Variants in SPECC1L observed in about 807,000 individuals in gnomAD.
The protein encoded by SPECC1L is cytospin-A.
In SPECC1L, 40 loss-of-function variants were observed where a neutral mutation model predicts 116.8. That is an observed-to-expected ratio of 0.34 (90% CI 0.27 to 0.45). The LOEUF (loss-of-function observed/expected upper bound fraction) is 0.45. SPECC1L is among the 20% of genes least tolerant of loss of function. The pLI is 1.00. For synonymous variants in SPECC1L, 504 were observed against 500.6 expected (o/e 1.01, Z -0.09); for missense variants, 1,110 against 1,373.6 (o/e 0.81, Z 3.03).
At chr22:24,318,170 T>G (rs1054230515) in intron 4 of SPECC1L, among the ~76,000 whole-genome samples, 2 of 152,138 alleles carry the variant, frequency 1.3e-5, no homozygotes, top group Non-Finnish European at 2.9e-5. Context: ...CAAGGCAGGC[T>G]GCTGGGAGGT....
intron 11 of SPECC1L, among the ~76,000 whole-genome samples, chr22:24,359,777 A>G (rs973456758): frequency 6.6e-6 from 1 of 152,060 alleles, no homozygotes; most frequent in Non-Finnish European, 1.5e-5. Context: ...TTTTCTTCTA[A>G]GCTCTCCTTT....
chr22:24,362,183 G>A (rs2041659281), intron 11 of SPECC1L, among the ~76,000 whole-genome samples: 1 of 152,202 alleles, frequency 6.6e-6, no homozygotes, highest in Non-Finnish European at 1.5e-5. Flanking sequence ...TTGTCGGGCT[G>A]TAGCCCTAGG....
chr22:24,344,292 G>C (rs76800621), intron 10 of SPECC1L, among the ~76,000 whole-genome samples: 3,766 of 151,290 alleles, frequency 0.025, 70 homozygotes, highest in African/African-American at 0.051. Context: ...ATGTATCCCA[G>C]GGGTGCAAGG....
chr22:24,413,176 G>A (rs2042734104), intron 16 of SPECC1L, among the ~76,000 whole-genome samples: 2 of 152,196 alleles, frequency 1.3e-5, no homozygotes, highest in Admixed American at 6.5e-5. Flanking sequence ...GACCGGGGAG[G>A]CTCCTGCACT....
chr22:24,286,992 T>C (rs1402576698), intron 2 of SPECC1L, among the ~76,000 whole-genome samples: 1 of 152,204 alleles, frequency 6.6e-6, no homozygotes, highest in Non-Finnish European at 1.5e-5. Context: ...CCCTAAATGT[T>C]GTCTGGATAA....
chr22:24,398,711 T>C (rs2042413016), intron 14 of SPECC1L, among the ~76,000 whole-genome samples: 1 of 152,210 alleles, frequency 6.6e-6, no homozygotes, highest in Non-Finnish European at 1.5e-5. Context: ...ACATTTGTCC[T>C]GAGGGTAAAT....
intron 11 of SPECC1L, among the ~76,000 whole-genome samples, chr22:24,362,443 A>G (rs1009329940): frequency 1.3e-5 from 2 of 152,180 alleles, no homozygotes; most frequent in Admixed American, 6.5e-5. Context: ...TGAGGCTGAA[A>G]ATGGAGATGG....
chr22:24,351,424 A>G (rs536102510), intron 11 of SPECC1L, among the ~76,000 whole-genome samples: 1 of 152,318 alleles, frequency 6.6e-6, no homozygotes, highest in East Asian at 1.9e-4. Flanking sequence ...TAAATGCATT[A>G]AGATTCTATT....
intron 14 of SPECC1L, among the ~76,000 whole-genome samples, chr22:24,406,765 C>A (rs1246623075): frequency 6.6e-6 from 1 of 152,222 alleles, no homozygotes; most frequent in African/African-American, 2.4e-5. Context: ...GCCGTGGTGG[C>A]CGTGTGGAGG....
At chr22:24,357,715 G>T (rs1244261473) in intron 11 of SPECC1L, among the ~76,000 whole-genome samples, 1 of 152,168 alleles carries the variant, frequency 6.6e-6, no homozygotes, top group Admixed American at 6.5e-5. Flanking sequence ...TACCCTCAGG[G>T]CAGAACAGGC....
intron 8 of SPECC1L, among the ~76,000 whole-genome samples, chr22:24,331,921 T>C (rs1200457473): frequency 6.6e-6 from 1 of 152,348 alleles, no homozygotes; most frequent in South Asian, 2.1e-4. Context: ...GTACACTCTT[T>C]AGCATTTTGT....
chr22:24,314,296 G>A lies in SPECC1L; in HGVS notation c.307+830G>A, dbSNP rs192523322. Reference sequence around the variant, plus strand: ...GATCTCCTGACCTCGTGATCTGCCCGCCTCGGCCTCCCAAAGTGCTGGTAT... The same window carrying A: ...GATCTCCTGACCTCGTGATCTGCCCACCTCGGCCTCCCAAAGTGCTGGTAT... On this transcript the variant is annotated intron_variant, in intron 4 of 16. Coordinates refer to ENST00000314328, the MANE Select transcript of SPECC1L (RefSeq NM_015330.6). Among the ~76,000 whole-genome samples, 669 of 152,192 alleles carry A rather than the reference G, an allele frequency of 4.4e-3. 7 individuals are homozygous for A. Among genetic ancestry groups the A allele is most frequent in the African/African-American group, 0.014 (577 of 41,508 alleles).
At chr22:24,414,473 C>G (rs2042764551) in intron 16 of SPECC1L, 61 bp from the exon 17 acceptor site, 1 of 1,383,688 alleles carries the variant, frequency 7.2e-7, no homozygotes, top group Admixed American at 1.7e-5. Flanking sequence ...TATGGCAGAG[C>G]CCATTGGCAC....
intron 2 of SPECC1L, among the ~76,000 whole-genome samples, chr22:24,291,334 C>T (rs941085921): frequency 6.6e-6 from 1 of 152,166 alleles, no homozygotes; most frequent in African/African-American, 2.4e-5. Flanking sequence ...GTGTGGGTGA[C>T]TTGCACAAGG....
intron 10 of SPECC1L, among the ~76,000 whole-genome samples, chr22:24,345,429 CTA>C (rs2041271805): frequency 6.6e-6 from 1 of 151,986 alleles, no homozygotes; most frequent in South Asian, 2.1e-4. Flanking sequence ...AAAGCATGAA[CTA>C]TAAAAGCAAG....
chr22:24,278,937 C>A lies in SPECC1L; in HGVS notation c.-38+2134C>A, dbSNP rs1197539209. 4.6e-5 allele frequency among the ~76,000 whole-genome samples: 7 copies of A among 151,954 alleles called. No individual in the cohort carries two copies. The East Asian group carries it at 1.2e-3, about 25-fold the overall frequency. On this transcript the variant is annotated intron_variant, in intron 2 of 16. Coordinates refer to ENST00000314328, the MANE Select transcript of SPECC1L (RefSeq NM_015330.6). ...GTAAATGTGTCAGTCCTTGGTAGCACAGTTTGTACGTTTATAAATTTTATC... is the reference window on the plus strand; with the variant it reads ...GTAAATGTGTCAGTCCTTGGTAGCAAAGTTTGTACGTTTATAAATTTTATC...
rs76490849 is a variant in SPECC1L, at chr22:24,289,698, T to C, written c.-37-12497T>C. On this transcript the variant is annotated intron_variant, in intron 2 of 16. Transcript: ENST00000314328. ...GTTGGTATTACTGATAACTACCTCC[T>C]TTTTTTTTTTTTTTAGCATCCTATG... is the stretch of plus-strand genomic sequence containing the variant. 4.5e-4 allele frequency among the ~76,000 whole-genome samples: 62 copies of C among 137,144 alleles called. 2 individuals are homozygous for C. In the South Asian group the frequency reaches 0.012, roughly 27 times the overall value. 90.0% of individuals were successfully genotyped at this position (137,144 alleles called of 152,430 possible).
At chr22:24,368,942 C>T (rs747656802) in intron 13 of SPECC1L, among the ~76,000 whole-genome samples, 1 of 152,204 alleles carries the variant, frequency 6.6e-6, no homozygotes, top group Admixed American at 6.5e-5. Context: ...CCACAGCGCC[C>T]GGCACATTTT....
chr22:24,302,307 A>G lies in SPECC1L; in HGVS notation c.76A>G (p.Ile26Val). Reference protein sequence around the residue: ...AISKTQTAEKIKPENSSSAST... With the variant: ...AISKTQTAEKVKPENSSSAST... ...AAGTAAAACGCAAACAGCAGAAAAA[A>G]TTAAACCTGAAAACAGCTCTTCAGC... The change falls in exon 3 of 17, where the codon ATT becomes GTT. Residue 26 changes from isoleucine to valine, a missense_variant. Physicochemically the swap from Ile to Val is conservative, Grantham distance 29 (BLOSUM62 3). Coordinates refer to ENST00000314328, the MANE Select transcript of SPECC1L (RefSeq NM_015330.6). 1 of 1,614,218 alleles carries G rather than the reference A, an allele frequency of 6.2e-7. No individual in the cohort carries two copies.
Sources: gnomAD v4.1 joint callset for allele counts (sites outside exome capture counted in the v4.1 genomes callset) on GRCh38, gnomAD v4.1.1 for gene constraint, MANE v1.5 for transcripts, NCBI Gene and HGNC (gene_info 2026-07-23, HGNC 2026-07-21) for gene names.